ADSS2: variants seen among roughly 807,000 people sequenced by gnomAD.
ADSS2 encodes adenylosuccinate synthetase isozyme 2.
In ADSS2, 30 loss-of-function variants were observed where a neutral mutation model predicts 60.0. That is an observed-to-expected ratio of 0.50 (90% CI 0.37 to 0.68). ADSS2 has a LOEUF of 0.68. Ranked by LOEUF, ADSS2 falls within the 30% of genes least tolerant of loss-of-function variation. The probability of loss-of-function intolerance (pLI) is 0.00; values close to 1 mark genes in which losing one functional copy is unlikely to be tolerated. For missense variants in ADSS2, 373 were observed against 554.8 expected (o/e 0.67, Z 3.29); for synonymous variants, 187 against 193.1 (o/e 0.97, Z 0.26).
intron 4 of ADSS2, among the ~76,000 whole-genome samples, chr1:244,425,534 C>T (rs1664784116): frequency 6.6e-6 from 1 of 152,092 alleles, no homozygotes; most frequent in African/African-American, 2.4e-5. Flanking sequence ...GATGGTGAAG[C>T]TAGAAAAGTC....
At chr1:244,417,503 G>A in intron 10 of ADSS2, 125 bp downstream of exon 10, 5 of 1,178,884 alleles carry the variant, frequency 4.2e-6, no homozygotes, top group East Asian at 2.5e-5. Context: ...CTTCTGCCTG[G>A]CACTACAATT....
intron 4 of ADSS2, 68 bp from the exon 5 acceptor site, chr1:244,424,455 C>T (rs1040114497): frequency 7.9e-7 from 1 of 1,267,456 alleles, no homozygotes; most frequent in Non-Finnish European, 1.1e-6. Flanking sequence ...CACCGCATTT[C>T]AAATTACTGA....
Position 244,411,350 on chromosome 1 carries a change from TA to T in ADSS2, c.1254del (p.Phe418LeufsTer35). On this transcript the variant is annotated frameshift_variant, in exon 12 of 13. Coordinates refer to ENST00000366535, the MANE Select transcript of ADSS2 (RefSeq NM_001126.5). LOFTEE classifies it high-confidence loss of function. Reference sequence around the variant, plus strand: ...TTTTGTGCATTAACAGGTAGTTCTTTAAACGCCCTTGCATTTGATATGTCTG... The same window carrying T: ...TTTTGTGCATTAACAGGTAGTTCTTTAACGCCCTTGCATTTGATATGTCTG... ...WNTDISNARA[F>X]KELPVNAQNY... 6.2e-7 allele frequency: 1 copy of T among 1,614,050 alleles called. No homozygotes were observed.
chr1:244,449,315 C>A (rs948725930), intron 1 of ADSS2, among the ~76,000 whole-genome samples: 1 of 152,148 alleles, frequency 6.6e-6, no homozygotes, highest in South Asian at 2.1e-4. Context: ...ATTATGTGTA[C>A]ATCACTTCTG....
rs898202156 is a variant in ADSS2, at chr1:244,449,622, C to T, written c.183+2013G>A. 3.3e-5 allele frequency among the ~76,000 whole-genome samples: 5 copies of T among 152,160 alleles called. No homozygotes were observed. The South Asian group carries it at 8.3e-4, about 25-fold the overall frequency. ...ATCACAAAAGAGATAATGCTTAAATCTATTCATTACTCATCTATTTTTTGC... is the reference window on the plus strand; with the variant it reads ...ATCACAAAAGAGATAATGCTTAAATTTATTCATTACTCATCTATTTTTTGC... On this transcript the variant is annotated intron_variant, in intron 1 of 12. Transcript: ENST00000366535.
At chr1:244,420,136 A>T in intron 8 of ADSS2, 34 bp downstream of exon 8, 1 of 1,597,202 alleles carries the variant, frequency 6.3e-7, no homozygotes, top group Non-Finnish European at 8.5e-7. Flanking sequence ...GGGCTCAGTT[A>T]AGCTCCCTTA....
rs571436291 is a variant in ADSS2 at position 244,428,331 on chromosome 1, A to T, written c.407-3944T>A. ...TGAAAATCTTCCAATATTTGGAAAC[A>T]TGAACATCATACTCAACTTATAAGT... On this transcript the variant is annotated intron_variant, in intron 4 of 12. Coordinates refer to ENST00000366535, the MANE Select transcript of ADSS2 (RefSeq NM_001126.5). 6.6e-5 allele frequency among the ~76,000 whole-genome samples: 10 copies of T among 152,314 alleles called. No individual in the cohort carries two copies. In the South Asian group the frequency reaches 1.9e-3, roughly 28 times the overall value.
intron 1 of ADSS2, 79 bp from the exon 2 acceptor site, chr1:244,437,847 G>C: frequency 8.9e-7 from 1 of 1,122,078 alleles, no homozygotes; most frequent in Non-Finnish European, 1.3e-6. Flanking sequence ...GTGAATTAAT[G>C]ACCTCCTGCC....
chr1:244,450,528 T>TA (rs1665527257), intron 1 of ADSS2, among the ~76,000 whole-genome samples: 1 of 152,254 alleles, frequency 6.6e-6, no homozygotes, highest in South Asian at 2.1e-4. Context: ...AGGGGGCCTA[T>TA]AACTTACTAG....
chr1:244,435,104 G>C (rs1266027891), intron 3 of ADSS2, among the ~76,000 whole-genome samples: 3 of 138,444 alleles, frequency 2.2e-5, no homozygotes, highest in Non-Finnish European at 4.5e-5. Context: ...CGAAGCAGAA[G>C]GTGCAGTGAG....
chr1:244,408,906 ATCTAT>A lies in ADSS2; in HGVS notation c.*675_*679del, dbSNP rs1664344592. 6.6e-6 allele frequency: 1 copy of A among 152,544 alleles called. No homozygotes were observed. Among genetic ancestry groups the A allele is most frequent in the African/African-American group, 2.4e-5 (1 of 41,444 alleles). 9.4% of individuals were successfully genotyped at this position (152,544 alleles called of 1,614,324 possible). On this transcript the variant is annotated 3_prime_UTR_variant, in exon 13 of 13. Coordinates refer to ENST00000366535, the MANE Select transcript of ADSS2 (RefSeq NM_001126.5). Reference sequence around the variant, plus strand: ...CATAAAGATTGTTGTTTTGGGAAACATCTATTCTCTTTGAACATTTCACTAAATTT... The same window carrying A: ...CATAAAGATTGTTGTTTTGGGAAACATCTCTTTGAACATTTCACTAAATTT...
intron 1 of ADSS2, among the ~76,000 whole-genome samples, chr1:244,449,333 A>G (rs1174521517): frequency 6.6e-6 from 1 of 152,236 alleles, no homozygotes; most frequent in Non-Finnish European, 1.5e-5. Context: ...CTGGAGAAAC[A>G]GTACTGAATA....
chr1:244,434,931 G>C lies in ADSS2; in HGVS notation c.355+1894C>G, dbSNP rs1665046625. Among the ~76,000 whole-genome samples, 6 of 152,150 alleles carry C rather than the reference G, an allele frequency of 3.9e-5. No individual in the cohort carries two copies. In the South Asian group the frequency reaches 1.2e-3, roughly 32 times the overall value. ...CATCTGTAATCCCAGCACCTTGGGA[G>C]GCCGAGGCAGGTGGATCACGAAGTC... On this transcript the variant is annotated intron_variant, in intron 3 of 12. Transcript: ENST00000366535.
Position 244,437,582 on chromosome 1 carries a change from T to C in ADSS2, c.286+84A>G, listed in dbSNP as rs905475124. ...AATGAACCATCTGGTCAGTGAGAGA[T>C]GAAAACAGTTTTGACAATAAAAAAT... On this transcript the variant is annotated intron_variant, in intron 2 of 12. Transcript: ENST00000366535. 7.2e-6 allele frequency: 7 copies of C among 978,696 alleles called. No individual in the cohort carries two copies. In the Admixed American group the frequency reaches 1.1e-4, roughly 15 times the overall value. 60.6% of individuals were successfully genotyped at this position (978,696 alleles called of 1,614,324 possible).
chr1:244,450,841 C>G lies in ADSS2; in HGVS notation c.183+794G>C, dbSNP rs1259807409. On this transcript the variant is annotated intron_variant, in intron 1 of 12. Transcript: ENST00000366535. ...TTTTCCGAAAGTTCACTTTCGATGT[C>G]ACCTTAACAATGCAAATATTTATTT... 3.3e-5 allele frequency among the ~76,000 whole-genome samples: 5 copies of G among 152,314 alleles called. No individual in the cohort carries two copies. In the East Asian group the frequency reaches 7.7e-4, roughly 23 times the overall value.
chr1:244,415,377 A>T (rs961288158), intron 11 of ADSS2, among the ~76,000 whole-genome samples: 1 of 152,242 alleles, frequency 6.6e-6, no homozygotes, highest in African/African-American at 2.4e-5. Flanking sequence ...TAAGACAAGG[A>T]AAGATAATAT....
At chr1:244,441,087 C>CT (rs1436247418) in intron 1 of ADSS2, among the ~76,000 whole-genome samples, 1 of 143,688 alleles carries the variant, frequency 7.0e-6, no homozygotes, top group East Asian at 2.1e-4. Context: ...TAGACAGAGT[C>CT]TTGCTCTGTC....
In ADSS2 at chr1:244,436,810, C is replaced by T. The variant is rs1383889347; in HGVS notation, c.355+15G>A. 6.3e-7 allele frequency: 1 copy of T among 1,597,330 alleles called. No homozygotes were observed. The highest frequency in any genetic ancestry group is 8.6e-7 in the Non-Finnish European group (1 of 1,166,370). On this transcript the variant is annotated intron_variant, in intron 3 of 12. Transcript: ENST00000366535. ...AAAGAACAACTGGTTACCAAGTAGA[C>T]TCATTCTTTCATACCTTTTCCTTTT... is the stretch of plus-strand genomic sequence containing the variant.
At chr1:244,440,149 GC>G (rs1665201618) in intron 1 of ADSS2, among the ~76,000 whole-genome samples, 1 of 152,176 alleles carries the variant, frequency 6.6e-6, no homozygotes, top group Non-Finnish European at 1.5e-5. Flanking sequence ...TTATGAAGGT[GC>G]TTTTTTGTGT....
Sources: gnomAD v4.1 joint callset for allele counts (sites outside exome capture counted in the v4.1 genomes callset) on GRCh38, gnomAD v4.1.1 for gene constraint, MANE v1.5 for transcripts, NCBI Gene and HGNC (gene_info 2026-07-23, HGNC 2026-07-21) for gene names.